Variants in FAM135A observed in about 807,000 individuals in gnomAD.
The protein encoded by FAM135A is family with sequence similarity 135 member A.
FAM135A carries 79 observed loss-of-function variants against 146.8 expected under a neutral mutation model. The ratio of observed to expected loss-of-function variants is 0.54; its 90% CI spans 0.45 to 0.65. FAM135A has a LOEUF of 0.65. Among genes scored for constraint, FAM135A ranks in the 30% least tolerant of loss-of-function variants. The pLI is 0.00. For missense variants in FAM135A, 1,623 were observed against 1,758.2 expected (o/e 0.92, Z 1.38); for synonymous variants, 562 against 603.6 (o/e 0.93, Z 1.01).
intron 10 of FAM135A, among the ~76,000 whole-genome samples, chr6:70,482,365 T>A (rs1221836846): frequency 6.7e-6 from 1 of 150,180 alleles, no homozygotes; most frequent in Admixed American, 6.6e-5. Context: ...AACTTCTTGG[T>A]GCTAAATGTG....
chr6:70,527,718 G>A (rs1007340661), intron 15 of FAM135A, among the ~76,000 whole-genome samples: 5 of 152,054 alleles, frequency 3.3e-5, no homozygotes, highest in Admixed American at 6.5e-5. Context: ...TAGATTGTCC[G>A]TCATTGCAAA....
rs1562398241 is a variant in FAM135A at position 70,428,307 on chromosome 6, C to G, written c.-36C>G. ...TTTTTCCCTTTCCTTAACAAAGGTG[C>G]TGTTATCAGAATAGTCTTCTGGGTA... On this transcript the variant is annotated 5_prime_UTR_variant, in exon 4 of 22. Transcript: ENST00000418814. The G allele has an allele frequency of 1.4e-6, 2 of 1,429,132 alleles. No homozygotes were observed. The highest frequency in any genetic ancestry group is 2.8e-5 in the South Asian group (2 of 70,472). The allele number at this position is 1,429,132 out of a possible 1,614,324, so 88.5% of individuals were successfully genotyped here.
intron 12 of FAM135A, 50 bp from the exon 13 acceptor site, chr6:70,522,463 G>A: frequency 1.3e-6 from 2 of 1,535,684 alleles, no homozygotes; most frequent in South Asian, 2.3e-5. Context: ...ATGCCGGATT[G>A]ACTTTTTAAA....
At chr6:70,445,408 A>G (rs1775478194) in intron 4 of FAM135A, among the ~76,000 whole-genome samples, 3 of 152,184 alleles carry the variant, frequency 2.0e-5, no homozygotes, top group African/African-American at 7.2e-5. Context: ...GGAATTAAAG[A>G]CACACACACA....
chr6:70,424,492 C>G (rs2127739242), intron 2 of FAM135A, among the ~76,000 whole-genome samples: 1 of 152,260 alleles, frequency 6.6e-6, no homozygotes, highest in East Asian at 1.9e-4. Context: ...GAAGCACATC[C>G]TCATCCCTCA....
rs1185820729 is a variant in FAM135A, at chr6:70,452,554, G to C, written c.140G>C (p.Ser47Thr). 6.3e-7 allele frequency: 1 copy of C among 1,590,420 alleles called. No homozygotes were observed. Among genetic ancestry groups the C allele is most frequent in the Admixed American group, 1.8e-5 (1 of 54,154 alleles). The change falls in exon 5 of 22, where the codon AGT (serine) becomes ACT (threonine). Residue 47 changes from serine to threonine, a missense_variant. Transcript: ENST00000418814. ...PSRIPHRVEA[S>T]LLHATGMTLA... Reference sequence around the variant, plus strand: ...AGAATTCCCCACAGAGTAGAAGCTAGTTTGTTGCATGCAACAGGTAAGCCA... The same window carrying C: ...AGAATTCCCCACAGAGTAGAAGCTACTTTGTTGCATGCAACAGGTAAGCCA...
chr6:70,560,063 T>G lies in FAM135A; in HGVS notation c.*142T>G. 1 of 649,458 alleles carries G rather than the reference T, an allele frequency of 1.5e-6. No homozygotes were observed. Among genetic ancestry groups the G allele is most frequent in the Non-Finnish European group, 2.5e-6 (1 of 406,714 alleles). 40.2% of individuals were successfully genotyped at this position (649,458 alleles called of 1,614,324 possible). ...GGAAGATAATTTATATCATCCATGT[T>G]TAGTGCTTTTTAAACATCAACTTTA... On this transcript the variant is annotated 3_prime_UTR_variant, in exon 22 of 22. Coordinates refer to ENST00000418814, the MANE Select transcript of FAM135A (RefSeq NM_001162529.3).
intron 18 of FAM135A, among the ~76,000 whole-genome samples, chr6:70,534,523 G>T (rs1469595379): frequency 1.3e-5 from 2 of 151,612 alleles, no homozygotes; most frequent in Non-Finnish European, 1.5e-5. Context: ...TGTTACCCAG[G>T]CTGGTCTCGA....
chr6:70,560,489 T>C lies in FAM135A; in HGVS notation c.*568T>C, dbSNP rs1801717697. ...ATAAAACAGTGTAATACAAGTTTTC[T>C]ATAAAGTCATTACTGTTGCTTAAAC... On this transcript the variant is annotated 3_prime_UTR_variant, in exon 22 of 22. Transcript: ENST00000418814. 6.6e-6 allele frequency: 1 copy of C among 152,668 alleles called. No homozygotes were observed. Among genetic ancestry groups the C allele is most frequent in the African/African-American group, 2.4e-5 (1 of 41,482 alleles). 9.5% of individuals were successfully genotyped at this position (152,668 alleles called of 1,614,324 possible). A position where few individuals can be genotyped will look rare whatever the true frequency, so the allele number is the denominator to read the frequency against.
Position 70,502,714 on chromosome 6 carries a change from T to C in FAM135A, c.952T>C (p.Trp318Arg), listed in dbSNP as rs904531177. 1 of 1,613,346 alleles carries C rather than the reference T, an allele frequency of 6.2e-7. No individual in the cohort carries two copies. The highest frequency in any genetic ancestry group is 1.3e-5 in the African/African-American group (1 of 74,882). The change falls in exon 12 of 22, where the codon TGG (tryptophan) becomes CGG (arginine). Residue 318 changes from tryptophan (W) to arginine (R), a missense_variant. By Grantham distance (101) the Trp-to-Arg change is moderately radical. Coordinates refer to ENST00000418814, the MANE Select transcript of FAM135A (RefSeq NM_001162529.3). The part of the protein sequence containing the change: ...AQLCSLLMAL[W>R]GQFLEVITLH... ...ACTTTGCTCACTTTTGATGGCTTTA[T>C]GGGGACAGTTTCTGGAAGTTATAAC...
In FAM135A at chr6:70,560,965, C is replaced by T. The variant is rs1279152200; in HGVS notation, c.*1044C>T. 2 of 152,526 alleles carry T rather than the reference C, an allele frequency of 1.3e-5. No homozygotes were observed. Among genetic ancestry groups the T allele is most frequent in the African/African-American group, 4.8e-5 (2 of 41,434 alleles). The allele number at this position is 152,526 out of a possible 1,614,324, so 9.4% of individuals were successfully genotyped here. ...TGACTTTACTAAAGGTGCTGAATAG[C>T]ATTAAATTCACTATTTTCCTTTTCT... On this transcript the variant is annotated 3_prime_UTR_variant, in exon 22 of 22. Coordinates refer to ENST00000418814, the MANE Select transcript of FAM135A (RefSeq NM_001162529.3).
chr6:70,428,027 A>G (rs1770607549), intron 3 of FAM135A, among the ~76,000 whole-genome samples: 2 of 152,200 alleles, frequency 1.3e-5, no homozygotes, highest in Non-Finnish European at 2.9e-5. Context: ...TTTTAGCAAT[A>G]TGTTGTATTA....
In FAM135A at chr6:70,435,109, A is replaced by AT. The variant is rs1213346179; in HGVS notation, c.77+6705dup. Among the ~76,000 whole-genome samples, 9 of 64,722 alleles carry AT rather than the reference A, an allele frequency of 1.4e-4. 1 individual carries two copies. The South Asian group carries it at 3.5e-3, about 25-fold the overall frequency. The allele number at this position is 64,722 out of a possible 152,430, so 42.5% of individuals were successfully genotyped here. Reference sequence around the variant, plus strand: ...TATATATATATATATATATATATATATTTTTTTTTTTTTTTAGATGGAGTC... The same window carrying AT: ...TATATATATATATATATATATATATATTTTTTTTTTTTTTTTAGATGGAGTC... On this transcript the variant is annotated intron_variant, in intron 4 of 21. Coordinates refer to ENST00000418814, the MANE Select transcript of FAM135A (RefSeq NM_001162529.3).
At chr6:70,542,248 G>GCACACCCACACACACA (rs1798054065) in intron 20 of FAM135A, among the ~76,000 whole-genome samples, 1 of 141,852 alleles carries the variant, frequency 7.0e-6, no homozygotes, top group African/African-American at 2.9e-5. Context: ...TTTTTATCCT[G>GCACACCCACACACACA]CACACACACA....
intron 4 of FAM135A, among the ~76,000 whole-genome samples, chr6:70,436,184 C>CA (rs34761222): frequency 0.066 from 4,202 of 63,792 alleles, 90 homozygotes; most frequent in Middle Eastern, 0.22. Flanking sequence ...GATTCTGTCT[C>CA]AAAAAAAAAA....
In FAM135A at chr6:70,533,764, C is replaced by A; in HGVS notation, c.3875C>A (p.Thr1292Asn). 1 of 1,574,844 alleles carries A rather than the reference C, an allele frequency of 6.3e-7. No homozygotes were observed. The highest frequency in any genetic ancestry group is 1.9e-5 in the Admixed American group (1 of 53,832). ...GCTTTGCTTTCTTTTTAGAATGATA[C>A]TTTTGCTGATTTTGATAGCATGACT... Reference protein sequence around the residue: ...FLMSERNQNDTFADFDSMTDR... With the variant: ...FLMSERNQNDNFADFDSMTDR... The change falls in exon 18 of 22, where the codon ACT (threonine) becomes AAT (asparagine). Residue 1292 changes from threonine to asparagine, a missense_variant. Thr to Asn is a moderately conservative substitution (Grantham distance 65, BLOSUM62 0). Around this residue, in one of 7 missense-constraint regions of FAM135A, gnomAD observed 1,061 missense variants for 1,113.8 expected, o/e 0.95. Transcript: ENST00000418814.
At chr6:70,555,503 T>C (rs1309430415) in intron 20 of FAM135A, among the ~76,000 whole-genome samples, 1 of 152,086 alleles carries the variant, frequency 6.6e-6, no homozygotes, top group Non-Finnish European at 1.5e-5. Context: ...TTTTCCCCCC[T>C]CGACCTCCCA....
At chr6:70,461,095 T>A (rs1202382665) in intron 5 of FAM135A, among the ~76,000 whole-genome samples, 1 of 152,150 alleles carries the variant, frequency 6.6e-6, no homozygotes, top group East Asian at 1.9e-4. Flanking sequence ...AGTGCTGGGA[T>A]TACAGGTGTA....
chr6:70,497,658 T>G (rs1787596993), intron 11 of FAM135A, among the ~76,000 whole-genome samples: 1 of 152,228 alleles, frequency 6.6e-6, no homozygotes, highest in South Asian at 2.1e-4. Context: ...CTTATTATTT[T>G]GAGATACGTT....
Sources: allele counts gnomAD v4.1 joint callset (sites outside exome capture counted in the v4.1 genomes callset), GRCh38; gene constraint gnomAD v4.1.1; regional missense constraint gnomAD v4.1.1; transcripts MANE v1.5; gene names NCBI Gene and HGNC (gene_info 2026-07-23, HGNC 2026-07-21).